The following MYL3 variants were observed in gnomAD, a reference collection of about 807,000 sequenced individuals.
MYL3 encodes CMLC1.
MYL3 carries 11 observed loss-of-function variants against 21.3 expected under a neutral mutation model. The observed-to-expected ratio is 0.52, with a 90% CI of 0.32 to 0.85. MYL3 has a LOEUF of 0.85. Among genes scored for constraint, MYL3 ranks in the 40% least tolerant of loss-of-function variants. MYL3 has a pLI of 0.03. For synonymous variants in MYL3, 88 were observed against 91.6 expected, an observed-to-expected ratio of 0.96 and a Z score of 0.22; for missense variants, 206 against 253.3, an observed-to-expected ratio of 0.81 and a Z score of 1.27.
chr3:46,867,198 C>T (rs1387787384), upstream of MYL3, among the ~76,000 whole-genome samples: 1 of 151,954 alleles, frequency 6.6e-6, no homozygotes, highest in East Asian at 1.9e-4. Context: ...ACCCAGACTC[C>T]GGACCCCAGA....
chr3:46,861,060 GGCCA>G lies in MYL3; in HGVS notation c.130-77_130-74del, dbSNP rs1488468697. On this transcript the variant is annotated intron_variant, in intron 1 of 6. Coordinates refer to ENST00000292327, the MANE Select transcript of MYL3 (RefSeq NM_000258.3). The surrounding 1 kb of genome is among the most constrained non-coding windows in gnomAD (Gnocchi z 4.2). Reference sequence around the variant, plus strand: ...CCACACCTCCTCCTGGGCACTCGGTGGCCAGCCCAGAATGTCAACTGTCTCAGCC... The same window carrying G: ...CCACACCTCCTCCTGGGCACTCGGTGGCCCAGAATGTCAACTGTCTCAGCC... 6.4e-7 allele frequency: 1 copy of G among 1,552,500 alleles called. No homozygotes were observed. The highest frequency in any genetic ancestry group is 2.2e-5 in the East Asian group (1 of 44,476).
At chr3:46,862,258 G>T (rs1702000066) in intron 1 of MYL3, among the ~76,000 whole-genome samples, 1 of 152,216 alleles carries the variant, frequency 6.6e-6, no homozygotes, top group Non-Finnish European at 1.5e-5. Flanking sequence ...AACTCCAGGT[G>T]CATATACTCT....
intron 1 of MYL3, among the ~76,000 whole-genome samples, chr3:46,875,766 G>C (rs2030172269): frequency 6.6e-6 from 1 of 152,232 alleles, no homozygotes; most frequent in African/African-American, 2.4e-5. Flanking sequence ...AGCAGGTCTG[G>C]GGGCGGCATC....
rs567561803 is a variant in MYL3 at position 46,873,046 on chromosome 3, G to A, written c.-217-6446C>T. ...GAGCCACAGAGATAACCTAGCCCCT[G>A]TCCTCAAGGGCTCGCCGTCTATTGG... On this transcript the variant is annotated intron_variant, in intron 1 of 3. Transcript: ENST00000431168. Among the ~76,000 whole-genome samples, 3 of 152,352 alleles carry A rather than the reference G, an allele frequency of 2.0e-5. No homozygotes were observed. In the East Asian group the frequency reaches 5.8e-4, roughly 29 times the overall value.
Position 46,863,303 on chromosome 3 carries a change from C to T in MYL3, c.88G>A (p.Glu30Lys). ...TCAAACTCGACCTCCTTAGGGCGCT[C>T]AGGCTCAGGGGGAGGTGCGGGAGCT... The part of the protein sequence containing the change: ...APAPAPPPEP[E>K]RPKEVEFDAS... The change falls in exon 1 of 7, where the codon GAG (glutamate) becomes AAG (lysine). Residue 30 changes from glutamate (E) to lysine (K), a missense_variant. Glu to Lys is a moderately conservative substitution (Grantham distance 56, BLOSUM62 1). Transcript: ENST00000292327. The T allele has an allele frequency of 3.1e-6, 5 of 1,614,156 alleles. No homozygotes were observed. Among genetic ancestry groups the T allele is most frequent in the Non-Finnish European group, 4.2e-6 (5 of 1,180,048 alleles).
chr3:46,860,959 C>T lies in MYL3; in HGVS notation c.157+1G>A, dbSNP rs2106910461. On this transcript the variant is annotated splice_donor_variant, in intron 2 of 6. Coordinates refer to ENST00000292327, the MANE Select transcript of MYL3 (RefSeq NM_000258.3). LOFTEE classifies it high-confidence loss of function. The surrounding 1 kb of genome is among the most constrained non-coding windows in gnomAD (Gnocchi z 4.6). ...CCCCTGGGTTCAAGACCCCTGCTCACCTTCAATCTGCTCAGGTGTGAACTC... is the reference window on the plus strand; with the variant it reads ...CCCCTGGGTTCAAGACCCCTGCTCATCTTCAATCTGCTCAGGTGTGAACTC... 2 of 1,614,122 alleles carry T rather than the reference C, an allele frequency of 1.2e-6. No homozygotes were observed. The highest frequency in any genetic ancestry group is 1.1e-5 in the South Asian group (1 of 91,082).
In MYL3 at chr3:46,861,149, C is replaced by T. The variant is rs184579246; in HGVS notation, c.130-162G>A. 9.8e-5 allele frequency among the ~76,000 whole-genome samples: 15 copies of T among 152,314 alleles called. No homozygotes were observed. In the East Asian group the frequency reaches 2.7e-3, roughly 27 times the overall value. The stretch of plus-strand genomic sequence containing the variant: ...GACCTCCTGCAGTCCATCTTGACGC[C>T]CTCCTGCCTCCTTGCCCCCCTCCAC... On this transcript the variant is annotated intron_variant, in intron 1 of 6. Transcript: ENST00000292327. The surrounding 1 kb of genome is among the most constrained non-coding windows in gnomAD (Gnocchi z 4.2).
At chr3:46,862,825 C>G (rs572238754) in intron 1 of MYL3, among the ~76,000 whole-genome samples, 1 of 152,314 alleles carries the variant, frequency 6.6e-6, no homozygotes, top group East Asian at 1.9e-4. Flanking sequence ...GGACAGGGGC[C>G]CTGCTTCTTC....
chr3:46,859,512 G>C lies in MYL3; in HGVS notation c.444C>G (p.Val148=), dbSNP rs1575497773. The change falls in exon 4 of 7, where the codon GTC becomes GTG. Residue 148 remains valine (V), a synonymous_variant. Coordinates refer to ENST00000292327, the MANE Select transcript of MYL3 (RefSeq NM_000258.3). This position sits in a 1 kb window ranked among gnomAD's most constrained non-coding sequence, Gnocchi z 4.1. ...RVFDKEGNGT[V]MGAELRHVLA... Reference sequence around the variant, plus strand: ...GCACGTGGCGAAGCTCAGCACCCATGACAGTGCCATTGCCCTCCTTGTCGA... The same window carrying C: ...GCACGTGGCGAAGCTCAGCACCCATCACAGTGCCATTGCCCTCCTTGTCGA... 6.2e-7 allele frequency: 1 copy of C among 1,614,102 alleles called. No individual in the cohort carries two copies. The highest frequency in any genetic ancestry group is 8.5e-7 in the Non-Finnish European group (1 of 1,180,044).
rs1417118609 is a variant in MYL3 at position 46,858,143 on chromosome 3, C to T, written c.*14-42G>A. The T allele has an allele frequency of 4.8e-6, 7 of 1,451,066 alleles. No homozygotes were observed. In the African/African-American group the frequency reaches 5.6e-5, roughly 12 times the overall value. 89.9% of individuals were successfully genotyped at this position (1,451,066 alleles called of 1,614,324 possible). On this transcript the variant is annotated intron_variant, in intron 6 of 6. Transcript: ENST00000292327. The stretch of plus-strand genomic sequence containing the variant: ...TGCAGATTACAGAGGAGGAGGGAGA[C>T]GGAGGCAGCAGGATGTCAAGTGAGC...
chr3:46,867,932 A>AG (rs1702063942), upstream of MYL3, among the ~76,000 whole-genome samples: 1 of 152,216 alleles, frequency 6.6e-6, no homozygotes, highest in African/African-American at 2.4e-5. Context: ...CGGGGCCCCT[A>AG]GGTCCCTGTC....
upstream of MYL3, among the ~76,000 whole-genome samples, chr3:46,865,826 C>T (rs1702043271): frequency 6.6e-6 from 1 of 152,164 alleles, no homozygotes; most frequent in South Asian, 2.1e-4. The surrounding 1 kb of genome is among the most constrained non-coding windows in gnomAD (Gnocchi z 4.3). Flanking sequence ...CGTGGTCCTG[C>T]AGCAGGGACA....
At chr3:46,869,054 T>C (rs1361928867) in intron 1 of MYL3, among the ~76,000 whole-genome samples, 2 of 151,978 alleles carry the variant, frequency 1.3e-5, no homozygotes, top group Non-Finnish European at 2.9e-5. Flanking sequence ...TGGAGCAAGA[T>C]GCAGCCCTGA....
chr3:46,876,401 C>T (rs758536356), intron 1 of MYL3, among the ~76,000 whole-genome samples: 11 of 152,186 alleles, frequency 7.2e-5, no homozygotes, highest in Non-Finnish European at 1.0e-4. Flanking sequence ...CACTGACCTC[C>T]GCTGGCCTGG....
chr3:46,858,341 C>T, intron 5 of MYL3, 43 bp downstream of exon 5: 1 of 1,614,050 alleles, frequency 6.2e-7, no homozygotes, highest in Non-Finnish European at 8.5e-7. Flanking sequence ...GCCTGGGTCC[C>T]AGCACTCCCC....
At chr3:46,869,365 T>G (rs1575500463) in intron 1 of MYL3, among the ~76,000 whole-genome samples, 1 of 150,442 alleles carries the variant, frequency 6.6e-6, no homozygotes, top group East Asian at 2.0e-4. Context: ...GAAAGGAGGG[T>G]GTTCCATGAG....
intron 1 of MYL3, among the ~76,000 whole-genome samples, chr3:46,869,378 G>A (rs1022387040): frequency 3.9e-5 from 6 of 152,116 alleles, no homozygotes; most frequent in South Asian, 2.1e-4. Context: ...TCCATGAGCC[G>A]GCCTTGGAGG....
chr3:46,867,402 A>G (rs1702056852), upstream of MYL3, among the ~76,000 whole-genome samples: 1 of 152,104 alleles, frequency 6.6e-6, no homozygotes. Flanking sequence ...GGGGGGTCAC[A>G]CTCTTGGCAA....
At position 46,860,865 on chromosome 3, in the gene MYL3, T is replaced by A. The variant is rs1039903239; in HGVS notation, c.158-40A>T. On this transcript the variant is annotated intron_variant, in intron 2 of 6. Coordinates refer to ENST00000292327, the MANE Select transcript of MYL3 (RefSeq NM_000258.3). This position sits in a 1 kb window ranked among gnomAD's most constrained non-coding sequence, Gnocchi z 4.6. Reference sequence around the variant, plus strand: ...CAGTGAGCCACAGACACTCCCAGGGTCAGCCTACCCCACTCCCCACACCCC... The same window carrying A: ...CAGTGAGCCACAGACACTCCCAGGGACAGCCTACCCCACTCCCCACACCCC... The A allele has an allele frequency of 6.2e-7, 1 of 1,613,838 alleles. No homozygotes were observed. The highest frequency in any genetic ancestry group is 8.5e-7 in the Non-Finnish European group (1 of 1,179,956).
Sources: allele counts gnomAD v4.1 joint callset (sites outside exome capture counted in the v4.1 genomes callset), GRCh38; gene constraint gnomAD v4.1.1; non-coding constraint Gnocchi (gnomAD v3.1); transcripts MANE v1.5; gene names NCBI Gene and HGNC (gene_info 2026-07-23, HGNC 2026-07-21).